Variants in NELFE observed in about 807,000 individuals in gnomAD.
NELFE encodes the protein negative elongation factor complex member E, also known as negative elongation factor E.
NELFE carries 26 observed loss-of-function variants against 55.5 expected under a neutral mutation model. The ratio of observed to expected loss-of-function variants is 0.47; its 90% confidence interval spans 0.34 to 0.65. The LOEUF is 0.65. Among genes scored for constraint, NELFE ranks in the 30% least tolerant of loss-of-function variants. The pLI is 0.01. For synonymous variants in NELFE, 162 were observed against 178.0 expected (o/e 0.91, Z 0.72); for missense variants, 403 against 506.9 (o/e 0.80, Z 1.97).
chr6:31,957,115 G>T, intron 2 of NELFE, 105 bp from the exon 3 acceptor site: 1 of 986,628 alleles, frequency 1.0e-6, no homozygotes, highest in Non-Finnish European at 1.5e-6. Context: ...CTTTCTTGAT[G>T]CCCTCAGAGT....
In NELFE at chr6:31,958,912, G is replaced by T. The variant is rs756077247; in HGVS notation, c.-29C>A. ...CTTACCCGAGGGGGCGGCAACCGGGGGCCCCACGGTCTCCGGCCGCGCCCG... is the reference window on the plus strand; with the variant it reads ...CTTACCCGAGGGGGCGGCAACCGGGTGCCCCACGGTCTCCGGCCGCGCCCG... On this transcript the variant is annotated 5_prime_UTR_variant, in exon 1 of 11. Transcript: ENST00000375429. 15 of 594,376 alleles carry T rather than the reference G, an allele frequency of 2.5e-5. No individual in the cohort carries two copies. Among genetic ancestry groups the T allele is most frequent in the East Asian group, 5.6e-5 (2 of 35,482 alleles). The allele number at this position is 594,376 out of a possible 1,614,324, so 36.8% of individuals were successfully genotyped here. A position where few individuals can be genotyped will look rare whatever the true frequency, so the allele number is the denominator to read the frequency against.
rs1377956560 is a variant in NELFE, at chr6:31,958,299, C to T, written c.75+73G>A. ...GGCCAGAAAAACTTCCCCATTCGCT[C>T]ACACTCACCCCATATCTTCTCAGAG... On this transcript the variant is annotated intron_variant, in intron 2 of 10. Coordinates refer to ENST00000375429, the MANE Select transcript of NELFE (RefSeq NM_002904.6). The T allele has an allele frequency of 2.1e-6, 3 of 1,424,588 alleles. No individual in the cohort carries two copies. The South Asian group carries it at 3.4e-5, about 16-fold the overall frequency. 88.2% of individuals were successfully genotyped at this position (1,424,588 alleles called of 1,614,324 possible).
chr6:31,955,924 C>G (rs1039420099), intron 4 of NELFE, among the ~76,000 whole-genome samples: 1 of 150,680 alleles, frequency 6.6e-6, no homozygotes, highest in East Asian at 1.9e-4. Context: ...TGTGCACCAC[C>G]ACATTCTGCT....
rs1772133937 is a variant in NELFE, at chr6:31,957,072, T to C, written c.76-62A>G. On this transcript the variant is annotated intron_variant, in intron 2 of 10. Coordinates refer to ENST00000375429, the MANE Select transcript of NELFE (RefSeq NM_002904.6). Reference sequence around the variant, plus strand: ...GCCAGCCCCTAGCCGGTTCCTCTCCTAAGGCCCCTGGGCACATCACTCCAG... The same window carrying C: ...GCCAGCCCCTAGCCGGTTCCTCTCCCAAGGCCCCTGGGCACATCACTCCAG... 2.7e-6 allele frequency: 4 copies of C among 1,462,776 alleles called. No individual in the cohort carries two copies. The East Asian group carries it at 9.1e-5, about 33-fold the overall frequency. The allele number at this position is 1,462,776 out of a possible 1,614,324, so 90.6% of individuals were successfully genotyped here.
chr6:31,952,351 T>C lies in NELFE; in HGVS notation c.1093A>G (p.Ile365Val). The C allele has an allele frequency of 6.2e-7, 1 of 1,614,064 alleles. No individual in the cohort carries two copies. ...TTGTAGACGTCATCACTGTAGACAA[T>C]CTGGGTCCTCTTGTCCCGGTGGCAA... ...KGCHRDKRTQ[I>V]VYSDDVYKEN... Residue 365 changes from isoleucine to valine, a missense_variant, in exon 11 of 11, where the codon ATT becomes GTT. By Grantham distance (29) the Ile-to-Val change is conservative. Coordinates refer to ENST00000375429, the MANE Select transcript of NELFE (RefSeq NM_002904.6).
chr6:31,954,110 C>CT lies in NELFE; in HGVS notation c.911dup (p.Met305AspfsTer10). 6.2e-7 allele frequency: 1 copy of CT among 1,613,906 alleles called. No homozygotes were observed. Among genetic ancestry groups the CT allele is most frequent in the Non-Finnish European group, 8.5e-7 (1 of 1,180,018 alleles). On this transcript the variant is annotated frameshift_variant, in exon 9 of 11. Coordinates refer to ENST00000375429, the MANE Select transcript of NELFE (RefSeq NM_002904.6). LOFTEE classifies it high-confidence loss of function. The surrounding 1 kb of genome is among the most constrained non-coding windows in gnomAD (Gnocchi z 5.5). ...CAACGGCCTGATCTGCTGACTCCATCTTTTCATAGGTGACGAAGGCACAGC... is the reference window on the plus strand; with the variant it reads ...CAACGGCCTGATCTGCTGACTCCATCTTTTTCATAGGTGACGAAGGCACAGC...
chr6:31,952,352 C>A lies in NELFE; in HGVS notation c.1092G>T (p.Gln364His), dbSNP rs1179616855. 1 of 1,614,190 alleles carries A rather than the reference C, an allele frequency of 6.2e-7. No individual in the cohort carries two copies. The highest frequency in any genetic ancestry group is 8.5e-7 in the Non-Finnish European group (1 of 1,180,034). Residue 364 changes from glutamine (Q) to histidine (H), a missense_variant, in exon 11 of 11, where the codon CAG (glutamine) becomes CAT (histidine). By Grantham distance (24) the Gln-to-His change is conservative. This residue lies in a region of NELFE where 77 missense variants were observed against 123.3 expected (regional missense o/e 0.62). Transcript: ENST00000375429. ...PKGCHRDKRT[Q>H]IVYSDDVYKE... ...TGTAGACGTCATCACTGTAGACAAT[C>A]TGGGTCCTCTTGTCCCGGTGGCAAC...
At position 31,954,807 on chromosome 6, in the gene NELFE, G is replaced by A. The variant is rs1177329199; in HGVS notation, c.490C>T (p.Arg164Ter). 1 of 1,604,260 alleles carries A rather than the reference G, an allele frequency of 6.2e-7. No individual in the cohort carries two copies. The highest frequency in any genetic ancestry group is 8.5e-7 in the Non-Finnish European group (1 of 1,176,242). The change falls in exon 7 of 11, where the codon CGA (arginine) becomes TGA (stop). Residue 164 changes from arginine (R) to a stop codon, truncating the protein, a stop_gained. Transcript: ENST00000375429. LOFTEE classifies it high-confidence loss of function. This position sits in a 1 kb window ranked among gnomAD's most constrained non-coding sequence, Gnocchi z 5.5. ...EGPGAGDGPP[R>*]SFDWGYEERS... Reference sequence around the variant, plus strand: ...TCTTCATAGCCCCAGTCAAAGCTTCGAGGGGGACCATCACCAGCCCCTGGG... The same window carrying A: ...TCTTCATAGCCCCAGTCAAAGCTTCAAGGGGGACCATCACCAGCCCCTGGG...
At chr6:31,958,517 G>A (rs879465550) in intron 1 of NELFE, 63 bp from the exon 2 acceptor site, 53 of 1,357,834 alleles carry the variant, frequency 3.9e-5, no homozygotes, top group Non-Finnish European at 5.4e-5. Flanking sequence ...TTCACACGCC[G>A]TCCACACTGT....
At chr6:31,953,968 G>T in intron 9 of NELFE, 112 bp downstream of exon 9, 1 of 1,366,038 alleles carries the variant, frequency 7.3e-7, no homozygotes, top group Non-Finnish European at 1.0e-6. Flanking sequence ...TGTGAATAGG[G>T]AGAGGCTTTC....
At chr6:31,956,620 T>C in intron 4 of NELFE, 73 bp downstream of exon 4, 3 of 1,503,570 alleles carry the variant, frequency 2.0e-6, no homozygotes, top group Non-Finnish European at 2.7e-6. Flanking sequence ...TGAGTATGCA[T>C]ATTTTTCCCC....
At chr6:31,958,827 A>G in intron 1 of NELFE, 65 bp downstream of exon 1, 1 of 656,226 alleles carries the variant, frequency 1.5e-6, no homozygotes, top group Non-Finnish European at 2.8e-6. Context: ...GAGCAACGCA[A>G]AGAGGAAGAA....
chr6:31,956,976 C>T lies in NELFE; in HGVS notation c.110G>A (p.Ser37Asn). Residue 37 changes from serine to asparagine, a missense_variant, in exon 3 of 11, where the codon AGC (serine) becomes AAC (asparagine). Around this residue, in one of 3 missense-constraint regions of NELFE, gnomAD observed 97 missense variants for 155.3 expected, o/e 0.62. Transcript: ENST00000375429. ...ACCACCTTGGCTGGTTGTGCTGCTG[C>T]TACTTTGCTTCTTCAGAGCCAGCAA... Reference protein sequence around the residue: ...KALLALKKQSSSSTTSQGGVK... With the variant: ...KALLALKKQSNSSTTSQGGVK... 1 of 1,603,348 alleles carries T rather than the reference C, an allele frequency of 6.2e-7. No homozygotes were observed. The highest frequency in any genetic ancestry group is 8.5e-7 in the Non-Finnish European group (1 of 1,171,730).
intron 3 of NELFE, 51 bp from the exon 4 acceptor site, chr6:31,956,889 T>G: frequency 1.2e-6 from 2 of 1,612,928 alleles, no homozygotes; most frequent in Non-Finnish European, 1.7e-6. Flanking sequence ...ATGATGAAGG[T>G]CAGCTCCATG....
At chr6:31,957,291 G>C (rs1048637988) in intron 2 of NELFE, 1 of 620,038 alleles carries the variant, frequency 1.6e-6, no homozygotes, top group Admixed American at 2.4e-5. Context: ...TAGGATATAA[G>C]CTGCAAGTAA....
At chr6:31,955,576 G>A (rs1344333299) in intron 4 of NELFE, among the ~76,000 whole-genome samples, 1 of 149,136 alleles carries the variant, frequency 6.7e-6, no homozygotes, top group African/African-American at 2.5e-5. Context: ...AGCCTCCCTA[G>A]TAGCTGGGAC....
Position 31,954,821 on chromosome 6 carries a change from C to G in NELFE, c.476G>C (p.Gly159Ala). 6.3e-7 allele frequency: 1 copy of G among 1,598,202 alleles called. No homozygotes were observed. Among genetic ancestry groups the G allele is most frequent in the Non-Finnish European group, 8.5e-7 (1 of 1,173,322 alleles). Residue 159 changes from glycine (G) to alanine (A), a missense_variant, in exon 7 of 11, where the codon GGT (glycine) becomes GCT (alanine). Coordinates refer to ENST00000375429, the MANE Select transcript of NELFE (RefSeq NM_002904.6). The surrounding 1 kb of genome is among the most constrained non-coding windows in gnomAD (Gnocchi z 5.5). ...GTCAAAGCTTCGAGGGGGACCATCA[C>G]CAGCCCCTGGGCCCTCTGCCTCTTC... is the stretch of plus-strand genomic sequence containing the variant. ...DGEEAEGPGAGDGPPRSFDWG... is the reference protein window; with the variant it reads ...DGEEAEGPGAADGPPRSFDWG...
At chr6:31,957,417 C>T (rs1338903415) in intron 2 of NELFE, 1 of 480,568 alleles carries the variant, frequency 2.1e-6, no homozygotes, top group Admixed American at 2.3e-5. Context: ...ATTGTTCCTA[C>T]CCTCAAGAAG....
intron 5 of NELFE, 47 bp downstream of exon 5, chr6:31,955,172 A>G: frequency 6.2e-7 from 1 of 1,611,998 alleles, no homozygotes. Context: ...TGTCTCTCAT[A>G]TTCCTCCATC....
Sources: allele counts gnomAD v4.1 joint callset (sites outside exome capture counted in the v4.1 genomes callset), GRCh38; gene constraint gnomAD v4.1.1; regional missense constraint gnomAD v4.1.1; non-coding constraint Gnocchi (gnomAD v3.1); transcripts MANE v1.5; gene names NCBI Gene and HGNC (gene_info 2026-07-23, HGNC 2026-07-21).